MARCHF1: variants seen among roughly 807,000 people sequenced by gnomAD.
The protein encoded by MARCHF1 is E3 ubiquitin-protein ligase MARCHF1.
Under a neutral mutation model 54.2 loss-of-function variants are expected in MARCHF1, and 40 were observed. That is an observed-to-expected ratio of 0.74 (90% CI 0.57 to 0.96). The LOEUF is 0.96. MARCHF1 is among the 40% of genes least tolerant of loss of function. MARCHF1 has a pLI of 0.00. For missense variants in MARCHF1, 586 were observed against 656.5 expected (o/e 0.89, Z 1.17); for synonymous variants, 236 against 236.3 (o/e 1.00, Z 0.01).
At chr4:163,741,025 A>G (rs1481815170) in intron 4 of MARCHF1, among the ~76,000 whole-genome samples, 1 of 152,116 alleles carries the variant, frequency 6.6e-6, no homozygotes, top group Non-Finnish European at 1.5e-5. Context: ...CTTATTGTCT[A>G]TGTGGCTCTT....
intron 4 of MARCHF1, among the ~76,000 whole-genome samples, chr4:163,774,164 T>C (rs541725853): frequency 1.8e-4 from 27 of 152,304 alleles, no homozygotes; most frequent in African/African-American, 6.0e-4. Flanking sequence ...CTCTTATATA[T>C]TTAAATCATC....
chr4:163,886,082 A>T (rs950375511), intron 3 of MARCHF1, among the ~76,000 whole-genome samples: 10 of 149,024 alleles, frequency 6.7e-5, no homozygotes, highest in Admixed American at 4.0e-4. Context: ...AGATATATAT[A>T]TTTTAATGTA....
intron 7 of MARCHF1, among the ~76,000 whole-genome samples, chr4:163,594,942 C>T (rs1333057744): frequency 3.3e-5 from 5 of 152,140 alleles, no homozygotes; most frequent in South Asian, 2.1e-4. Context: ...AGCAATCCCA[C>T]GTCTAAGTAT....
chr4:164,272,987 T>C (rs1402309373), intron 1 of MARCHF1, among the ~76,000 whole-genome samples: 3 of 152,022 alleles, frequency 2.0e-5, no homozygotes, highest in Non-Finnish European at 2.9e-5. Context: ...TAAATATATG[T>C]ACATATTTTT....
At chr4:164,139,311 C>T (rs1336772169) in intron 1 of MARCHF1, among the ~76,000 whole-genome samples, 1 of 152,062 alleles carries the variant, frequency 6.6e-6, no homozygotes, top group Non-Finnish European at 1.5e-5. Context: ...CTTTCAGTGC[C>T]CAAACTTAAG....
intron 1 of MARCHF1, among the ~76,000 whole-genome samples, chr4:164,212,905 G>T (rs2111123579): frequency 6.6e-6 from 1 of 152,298 alleles, no homozygotes; most frequent in South Asian, 2.1e-4. Flanking sequence ...GACTTTGAAA[G>T]TGCCAGTGTT....
chr4:164,273,346 G>A lies in MARCHF1; in HGVS notation c.-323+110524C>T, dbSNP rs142105171. On this transcript the variant is annotated intron_variant, in intron 1 of 9. Transcript: ENST00000514618. ...GAACTCACTATCACAAGAAGAGCAC[G>A]GGGGAAACTGCCCCCATGATTCAAT... Among the ~76,000 whole-genome samples, 422 of 152,200 alleles carry A rather than the reference G, an allele frequency of 2.8e-3. 2 individuals carry two copies. Among genetic ancestry groups the A allele is most frequent in the African/African-American group, 9.4e-3 (392 of 41,538 alleles).
At chr4:164,168,287 G>C (rs1359658743) in intron 1 of MARCHF1, among the ~76,000 whole-genome samples, 1 of 151,972 alleles carries the variant, frequency 6.6e-6, no homozygotes, top group Non-Finnish European at 1.5e-5. Context: ...TGTTGGTGTG[G>C]GTGTGGAGAA....
chr4:163,769,880 T>C (rs1462831890), intron 4 of MARCHF1, among the ~76,000 whole-genome samples: 3 of 152,266 alleles, frequency 2.0e-5, no homozygotes, highest in East Asian at 1.9e-4. Context: ...ATGAACTACG[T>C]TGATCCACTT....
At chr4:164,370,442 A>T (rs1731004169) in intron 1 of MARCHF1, among the ~76,000 whole-genome samples, 1 of 152,182 alleles carries the variant, frequency 6.6e-6, no homozygotes, top group Non-Finnish European at 1.5e-5. Context: ...GGACCAGAGG[A>T]ATTAATTCCC....
chr4:163,745,614 T>C (rs1308955896), intron 4 of MARCHF1, among the ~76,000 whole-genome samples: 1 of 152,170 alleles, frequency 6.6e-6, no homozygotes, highest in Non-Finnish European at 1.5e-5. Flanking sequence ...CCTCACCTTT[T>C]ACCCTCAAAC....
chr4:164,110,529 G>A (rs1560909466), intron 2 of MARCHF1, among the ~76,000 whole-genome samples: 1 of 151,612 alleles, frequency 6.6e-6, no homozygotes, highest in Admixed American at 6.6e-5. Flanking sequence ...CAGCACTTAA[G>A]TTGTTCAAAA....
intron 1 of MARCHF1, among the ~76,000 whole-genome samples, chr4:164,200,747 C>A (rs1731428947): frequency 6.6e-6 from 1 of 152,084 alleles, no homozygotes; most frequent in Non-Finnish European, 1.5e-5. Flanking sequence ...AAGAAATAAA[C>A]AATCAAAGTA....
chr4:163,869,867 A>G (rs1750134650), intron 3 of MARCHF1, among the ~76,000 whole-genome samples: 1 of 152,120 alleles, frequency 6.6e-6, no homozygotes, highest in Admixed American at 6.6e-5. Context: ...TATATTGTCC[A>G]TGACCCTGTG....
intron 1 of MARCHF1, among the ~76,000 whole-genome samples, chr4:164,275,682 T>C (rs376277679): frequency 1.4e-5 from 2 of 142,258 alleles, no homozygotes; most frequent in Non-Finnish European, 3.1e-5. Flanking sequence ...GTATAAGAGA[T>C]GTAGATTTCA....
At chr4:163,710,905 C>A (rs898966370) in intron 4 of MARCHF1, among the ~76,000 whole-genome samples, 5 of 152,000 alleles carry the variant, frequency 3.3e-5, no homozygotes, top group Admixed American at 1.3e-4. Context: ...GTCAGGTTGG[C>A]ATAAGCTTTT....
At chr4:163,837,599 A>T (rs1256791445) in intron 4 of MARCHF1, among the ~76,000 whole-genome samples, 2 of 152,140 alleles carry the variant, frequency 1.3e-5, no homozygotes, top group African/African-American at 4.8e-5. Flanking sequence ...TTTTATAATG[A>T]TAAAACAGTC....
At chr4:163,783,395 G>A (rs752803722) in intron 4 of MARCHF1, among the ~76,000 whole-genome samples, 1 of 152,186 alleles carries the variant, frequency 6.6e-6, no homozygotes, top group Admixed American at 6.5e-5. Flanking sequence ...TGAAAGGGAA[G>A]GGTCCTTGGC....
intron 4 of MARCHF1, among the ~76,000 whole-genome samples, chr4:163,754,574 T>A (rs1746611553): frequency 6.6e-6 from 1 of 152,218 alleles, no homozygotes; most frequent in Non-Finnish European, 1.5e-5. Context: ...GATTACTGGT[T>A]GCATTCTAGA....
Sources: allele counts gnomAD v4.1 joint callset (sites outside exome capture counted in the v4.1 genomes callset), GRCh38; gene constraint gnomAD v4.1.1; transcripts MANE v1.5; gene names NCBI Gene and HGNC (gene_info 2026-07-23, HGNC 2026-07-21).